Variants in SH3BP4 observed in about 807,000 individuals in gnomAD.
SH3BP4 encodes SH3 domain-binding protein 4.
In SH3BP4, 33 loss-of-function variants were observed where a neutral mutation model predicts 65.5. That is an observed-to-expected ratio of 0.50 (90% CI 0.38 to 0.67). The LOEUF (loss-of-function observed/expected upper bound fraction) is 0.67. Among genes scored for constraint, SH3BP4 ranks in the 30% least tolerant of loss-of-function variants. The pLI is 0.00. For missense variants in SH3BP4, 1,134 were observed against 1,261.4 expected (o/e 0.90, Z 1.53); for synonymous variants, 552 against 545.5 (o/e 1.01, Z -0.17).
Position 234,977,805 on chromosome 2 carries a change from GCA to G in SH3BP4, c.-206-17487_-206-17486del, listed in dbSNP as rs1408547497. Among the ~76,000 whole-genome samples the G allele has an allele frequency of 6.6e-6, 1 of 151,940 alleles. No homozygotes were observed. Among genetic ancestry groups the G allele is most frequent in the African/African-American group, 2.4e-5 (1 of 41,366 alleles). ...CGCACACGCATATGCACACACATGG[GCA>G]CACACACACATGCGTGCACACACAC... is the stretch of plus-strand genomic sequence containing the variant. On this transcript the variant is annotated intron_variant, in intron 1 of 5. Transcript: ENST00000392011. The surrounding 1 kb of genome is among the most constrained non-coding windows in gnomAD (Gnocchi z 5.1).
intron 1 of SH3BP4, among the ~76,000 whole-genome samples, chr2:234,990,816 G>A (rs1259820851): frequency 2.6e-5 from 4 of 152,212 alleles, no homozygotes; most frequent in African/African-American, 9.7e-5. Flanking sequence ...AGTGTCAGCA[G>A]GGCTGGTTCC....
At position 235,026,527 on chromosome 2, in the gene SH3BP4, C is replaced by G. The variant is rs1365102144; in HGVS notation, c.-132-8344C>G. Among the ~76,000 whole-genome samples the G allele has an allele frequency of 6.6e-6, 1 of 152,166 alleles. No homozygotes were observed. The highest frequency in any genetic ancestry group is 2.4e-5 in the African/African-American group (1 of 41,448). On this transcript the variant is annotated intron_variant, in intron 2 of 5. Coordinates refer to ENST00000392011, the MANE Select transcript of SH3BP4 (RefSeq NM_014521.3). The surrounding 1 kb of genome is among the most constrained non-coding windows in gnomAD (Gnocchi z 4.6). ...TTCTTTTGTTGATTTGTCTCCAATA[C>G]GGGTTCCCTCAAAACCAACTCTCTT...
At chr2:234,965,773 G>A (rs912401390) in intron 1 of SH3BP4, among the ~76,000 whole-genome samples, 1 of 152,200 alleles carries the variant, frequency 6.6e-6, no homozygotes, top group African/African-American at 2.4e-5. Context: ...GCGACTAACA[G>A]GTGAGTAACA....
chr2:235,032,631 C>T (rs558276448), intron 2 of SH3BP4, among the ~76,000 whole-genome samples: 6 of 151,836 alleles, frequency 4.0e-5, no homozygotes, highest in South Asian at 2.1e-4. Context: ...TCTCACGTGG[C>T]GGCAAGACCC....
At chr2:235,048,682 G>A (rs1294522668) in intron 4 of SH3BP4, among the ~76,000 whole-genome samples, 1 of 152,208 alleles carries the variant, frequency 6.6e-6, no homozygotes, top group Non-Finnish European at 1.5e-5. Flanking sequence ...TGGCCGCCAG[G>A]CCCGCTATTC....
At chr2:234,990,793 GAAGTCC>G (rs1229740225) in intron 1 of SH3BP4, among the ~76,000 whole-genome samples, 2 of 152,254 alleles carry the variant, frequency 1.3e-5, no homozygotes, top group Non-Finnish European at 2.9e-5. Context: ...CAGGAGGCTG[GAAGTCC>G]AAGATGAGTG....
chr2:235,049,569 T>C (rs72987449), intron 4 of SH3BP4, among the ~76,000 whole-genome samples: 31,920 of 152,152 alleles, frequency 0.21, 3,700 homozygotes, highest in East Asian at 0.42. Context: ...ACCAGCTAAC[T>C]ACACACCCTC....
At position 235,041,519 on chromosome 2, in the gene SH3BP4, C is replaced by T. The variant is rs1376410060; in HGVS notation, c.750C>T (p.Leu250=). 3 of 1,614,168 alleles carry T rather than the reference C, an allele frequency of 1.9e-6. No individual in the cohort carries two copies. The highest frequency in any genetic ancestry group is 1.3e-5 in the African/African-American group (1 of 75,080). The change falls in exon 4 of 6, where the codon CTC becomes CTT. Residue 250 remains leucine, a synonymous_variant. Transcript: ENST00000392011. This position sits in a 1 kb window ranked among gnomAD's most constrained non-coding sequence, Gnocchi z 6.0. ...RSKRSYSLSE[L]SVLQAKSDAP... is the part of the protein sequence containing the mutation. Reference sequence around the variant, plus strand: ...AGCGCTCCTACAGTCTCTCGGAACTCTCCGTCCTCCAAGCCAAGTCCGATG... The same window carrying T: ...AGCGCTCCTACAGTCTCTCGGAACTTTCCGTCCTCCAAGCCAAGTCCGATG...
intron 2 of SH3BP4, among the ~76,000 whole-genome samples, chr2:235,005,539 G>T (rs1694266985): frequency 1.3e-5 from 2 of 152,100 alleles, no homozygotes; most frequent in African/African-American, 4.8e-5. Context: ...AGATCTCCAA[G>T]GCAGGCCCAG....
chr2:234,995,554 C>G (rs1468956752), intron 2 of SH3BP4, 178 bp downstream of exon 2: 2 of 152,358 alleles, frequency 1.3e-5, no homozygotes, highest in Non-Finnish European at 2.9e-5. Flanking sequence ...GCACTGCAGG[C>G]CTGTCCCTCA....
chr2:235,003,904 T>G (rs1015608518), intron 2 of SH3BP4, among the ~76,000 whole-genome samples: 1 of 152,180 alleles, frequency 6.6e-6, no homozygotes, highest in African/African-American at 2.4e-5. Context: ...AGTTGGGTTT[T>G]GAGAGTCCTA....
At chr2:234,959,465 C>A (rs1446525251) in intron 1 of SH3BP4, among the ~76,000 whole-genome samples, 15 of 152,198 alleles carry the variant, frequency 9.9e-5, no homozygotes, top group Admixed American at 9.8e-4. Context: ...CTCTTCTTGA[C>A]ATCTTGGCAG....
intron 2 of SH3BP4, among the ~76,000 whole-genome samples, chr2:235,009,093 A>G (rs759473817): frequency 3.9e-5 from 6 of 152,192 alleles, no homozygotes; most frequent in Non-Finnish European, 7.3e-5. Flanking sequence ...TCACTGACCC[A>G]TTGGTGAGTT....
intron 4 of SH3BP4, among the ~76,000 whole-genome samples, chr2:235,050,656 C>G (rs1401667379): frequency 6.6e-6 from 1 of 151,690 alleles, no homozygotes; most frequent in Non-Finnish European, 1.5e-5. Flanking sequence ...AAAAGGTCAC[C>G]TTTTTGTATT....
intron 1 of SH3BP4, among the ~76,000 whole-genome samples, chr2:234,957,470 A>G (rs996779769): frequency 1.3e-5 from 2 of 151,650 alleles, no homozygotes; most frequent in African/African-American, 4.8e-5. Context: ...CATCACTTTA[A>G]TGGAAGAAAT....
At chr2:234,992,285 G>A (rs964182935) in intron 1 of SH3BP4, among the ~76,000 whole-genome samples, 1 of 152,086 alleles carries the variant, frequency 6.6e-6, no homozygotes, top group African/African-American at 2.4e-5. Context: ...GGGCAGCAGC[G>A]AGGATGGCGA....
Position 234,976,831 on chromosome 2 carries a change from C to T in SH3BP4, c.-206-18472C>T, listed in dbSNP as rs1280062068. 6.6e-6 allele frequency among the ~76,000 whole-genome samples: 1 copy of T among 152,182 alleles called. No homozygotes were observed. The highest frequency in any genetic ancestry group is 1.5e-5 in the Non-Finnish European group (1 of 68,044). ...CAAGGTCACCCAAAACACACAATGT[C>T]TGGGGAGATGCCCTAGCCAAGAGGA... On this transcript the variant is annotated intron_variant, in intron 1 of 5. Coordinates refer to ENST00000392011, the MANE Select transcript of SH3BP4 (RefSeq NM_014521.3). This position sits in a 1 kb window ranked among gnomAD's most constrained non-coding sequence, Gnocchi z 4.7.
At chr2:234,965,764 C>T (rs933413428) in intron 1 of SH3BP4, among the ~76,000 whole-genome samples, 4 of 151,992 alleles carry the variant, frequency 2.6e-5, no homozygotes, top group Non-Finnish European at 4.4e-5. Context: ...TGGAGGGCTG[C>T]GACTAACAGG....
chr2:235,040,841 C>T (rs746967408), intron 3 of SH3BP4, 47 bp from the exon 4 acceptor site: 3 of 1,547,558 alleles, frequency 1.9e-6, no homozygotes, highest in Non-Finnish European at 2.7e-6. Context: ...CTCCGGACAC[C>T]CCGCCGGCCT....
Sources: allele counts gnomAD v4.1 joint callset (sites outside exome capture counted in the v4.1 genomes callset), GRCh38; gene constraint gnomAD v4.1.1; non-coding constraint Gnocchi (gnomAD v3.1); transcripts MANE v1.5; gene names NCBI Gene and HGNC (gene_info 2026-07-23, HGNC 2026-07-21).